Variants in MOB3A observed in about 807,000 individuals in gnomAD.
MOB3A encodes MOB kinase activator 3A, also known as MOB LAK.
Under a neutral mutation model 17.8 loss-of-function variants are expected in MOB3A, and 17 were observed. That is an observed-to-expected ratio of 0.95 (90% confidence interval 0.65 to 1.43). The LOEUF (loss-of-function observed/expected upper bound fraction) is 1.43, where lower values mean the gene tolerates loss of function less well. Among genes scored for constraint, MOB3A ranks in the 40% most tolerant of loss-of-function variants. MOB3A has a pLI of 0.00. For synonymous variants in MOB3A, 124 were observed against 133.2 expected (o/e 0.93, Z 0.48); for missense variants, 333 against 310.8 (o/e 1.07, Z -0.54).
chr19:2,081,942 C>T (rs1203834567), intron 2 of MOB3A, among the ~76,000 whole-genome samples: 1 of 152,178 alleles, frequency 6.6e-6, no homozygotes, highest in Admixed American at 6.5e-5. Flanking sequence ...ACAGAGTCTG[C>T]ACCATAAGAA....
intron 1 of MOB3A, among the ~76,000 whole-genome samples, chr19:2,086,075 T>G (rs1477046870): frequency 6.6e-6 from 1 of 151,462 alleles, no homozygotes; most frequent in Non-Finnish European, 1.5e-5. Flanking sequence ...AGTTTTGCTC[T>G]TGTTGCCCAG....
At chr19:2,078,787 C>G (rs914176460) in intron 2 of MOB3A, 108 bp from the exon 3 acceptor site, 6 of 520,164 alleles carry the variant, frequency 1.2e-5, no homozygotes, top group African/African-American at 9.7e-5. Flanking sequence ...GAGACAGGGT[C>G]TTACTCTGTT....
At chr19:2,076,168 C>A (rs970603487) in intron 4 of MOB3A, among the ~76,000 whole-genome samples, 11 of 150,466 alleles carry the variant, frequency 7.3e-5, no homozygotes, top group African/African-American at 2.7e-4. Flanking sequence ...GTGGCTCCCG[C>A]CTGTAATCCC....
chr19:2,085,965 A>G (rs2017548928), intron 1 of MOB3A, among the ~76,000 whole-genome samples: 1 of 147,070 alleles, frequency 6.8e-6, no homozygotes, highest in Non-Finnish European at 1.5e-5. Flanking sequence ...CTCTGTCTCA[A>G]AAAAAAAAAA....
intron 2 of MOB3A, among the ~76,000 whole-genome samples, chr19:2,083,023 T>A (rs2017508764): frequency 6.6e-6 from 1 of 152,224 alleles, no homozygotes; most frequent in South Asian, 2.1e-4. Flanking sequence ...GTTGTTGTAT[T>A]TTTTGTAGAG....
At chr19:2,094,961 A>T (rs1428136857) in intron 1 of MOB3A, among the ~76,000 whole-genome samples, 1 of 152,214 alleles carries the variant, frequency 6.6e-6, no homozygotes, top group Admixed American at 6.5e-5. Context: ...ACCTGAGGTC[A>T]GGAGCTCAAG....
rs561250214 is a variant in MOB3A at position 2,076,518 on chromosome 19, G to A, written c.624+293C>T. Among the ~76,000 whole-genome samples the A allele has an allele frequency of 6.6e-5, 10 of 152,330 alleles. No homozygotes were observed. The East Asian group carries it at 1.5e-3, about 23-fold the overall frequency. ...ATCCCTTTCATAAGGGACACTGAGC[G>A]GCGCTCTGGGACACCTGAGCTCAGG... On this transcript the variant is annotated intron_variant, in intron 4 of 4. Coordinates refer to ENST00000357066, the MANE Select transcript of MOB3A (RefSeq NM_130807.3).
intron 2 of MOB3A, among the ~76,000 whole-genome samples, chr19:2,080,964 G>A (rs2017479942): frequency 6.6e-6 from 1 of 152,122 alleles, no homozygotes; most frequent in South Asian, 2.1e-4. Context: ...AACATGGCAA[G>A]ACCTCGTCTC....
At chr19:2,095,708 C>G (rs994701247) in intron 1 of MOB3A, among the ~76,000 whole-genome samples, 1 of 151,436 alleles carries the variant, frequency 6.6e-6, no homozygotes. Flanking sequence ...AAGGATCCGG[C>G]TTCCCTGCCG....
At chr19:2,076,316 C>A (rs1222780280) in intron 4 of MOB3A, among the ~76,000 whole-genome samples, 1 of 152,010 alleles carries the variant, frequency 6.6e-6, no homozygotes, top group Admixed American at 6.6e-5. Context: ...CCTGTAATCC[C>A]AGCTACTTGG....
chr19:2,094,262 T>C (rs1200563524), intron 1 of MOB3A, among the ~76,000 whole-genome samples: 1 of 151,982 alleles, frequency 6.6e-6, no homozygotes, highest in African/African-American at 2.4e-5. Flanking sequence ...TTAGCCAGTA[T>C]GGTCTCGATC....
In MOB3A at chr19:2,072,975, A is replaced by C; in HGVS notation, c.*420T>G. On this transcript the variant is annotated 3_prime_UTR_variant, in exon 5 of 5. Coordinates refer to ENST00000357066, the MANE Select transcript of MOB3A (RefSeq NM_130807.3). ...AGGCCGAGCAAGCTGGGTGCCCTTG[A>C]GAGACAGGCCCAGGCAGGGCTGTGG... 5.2e-6 allele frequency: 1 copy of C among 192,244 alleles called. No individual in the cohort carries two copies. The highest frequency in any genetic ancestry group is 1.1e-5 in the Non-Finnish European group (1 of 94,038). The allele number at this position is 192,244 out of a possible 1,614,324, so 11.9% of individuals were successfully genotyped here.
In MOB3A at chr19:2,078,530, T is replaced by C. The variant is rs146746090; in HGVS notation, c.31A>G (p.Asn11Asp). MSNPFLKQVF[N>D]KDKTFRPKRK... ...TTGGGGCGGAATGTCTTGTCCTTGT[T>C]GAAGACTTGCTTCAGGAAGGGGTTG... Residue 11 changes from asparagine to aspartate, a missense_variant, in exon 3 of 5, where the codon AAC becomes GAC. By Grantham distance (23) the Asn-to-Asp change is conservative. Coordinates refer to ENST00000357066, the MANE Select transcript of MOB3A (RefSeq NM_130807.3). 11 of 1,587,378 alleles carry C rather than the reference T, an allele frequency of 6.9e-6. No individual in the cohort carries two copies. The African/African-American group carries it at 8.1e-5, about 12-fold the overall frequency.
intron 2 of MOB3A, among the ~76,000 whole-genome samples, chr19:2,081,930 C>T (rs1231799871): frequency 6.6e-6 from 1 of 152,158 alleles, no homozygotes; most frequent in African/African-American, 2.4e-5. Flanking sequence ...AACGCAGTGA[C>T]GACAGAGTCT....
At chr19:2,079,624 C>T (rs529511761) in intron 2 of MOB3A, among the ~76,000 whole-genome samples, 3 of 152,350 alleles carry the variant, frequency 2.0e-5, no homozygotes, top group East Asian at 1.9e-4. Context: ...CCCACACCTT[C>T]GTCTCAGACG....
intron 2 of MOB3A, 99 bp from the exon 3 acceptor site, chr19:2,078,778 A>G: frequency 7.3e-6 from 4 of 547,636 alleles, no homozygotes; most frequent in Non-Finnish European, 1.3e-5. Context: ...TTGTTTTTTG[A>G]GACAGGGTCT....
chr19:2,076,054 TG>T (rs1203271010), intron 4 of MOB3A, among the ~76,000 whole-genome samples: 1 of 104,620 alleles, frequency 9.6e-6, no homozygotes, highest in Non-Finnish European at 1.8e-5. Flanking sequence ...ACCCGGAAGG[TG>T]GGGGTTGCAG....
chr19:2,094,072 A>G (rs2017642664), intron 1 of MOB3A, among the ~76,000 whole-genome samples: 1 of 129,254 alleles, frequency 7.7e-6, no homozygotes, highest in Admixed American at 8.4e-5. Flanking sequence ...TTTGAGACAG[A>G]GTCTCACTCT....
In MOB3A at chr19:2,078,416, C is replaced by A. The variant is rs145491125; in HGVS notation, c.145G>T (p.Val49Leu). 5 of 1,613,960 alleles carry A rather than the reference C, an allele frequency of 3.1e-6. No individual in the cohort carries two copies. The highest frequency in any genetic ancestry group is 4.2e-6 in the Non-Finnish European group (5 of 1,179,934). The change falls in exon 3 of 5, where the codon GTG becomes TTG. Residue 49 changes from valine (V) to leucine (L), a missense_variant. Coordinates refer to ENST00000357066, the MANE Select transcript of MOB3A (RefSeq NM_130807.3). ...LNAGLDLRLA[V>L]QLPPGEDLND... is the part of the protein sequence containing the mutation. ...AGGTCCTCGCCCGGGGGCAACTGCA[C>A]GGCCAGCCGCAGGTCCAGCCCGGCG...
Sources: allele counts gnomAD v4.1 joint callset (sites outside exome capture counted in the v4.1 genomes callset), GRCh38; gene constraint gnomAD v4.1.1; transcripts MANE v1.5; gene names NCBI Gene and HGNC (gene_info 2026-07-23, HGNC 2026-07-21).